The following USP24 variants were observed in gnomAD, a reference collection of about 807,000 sequenced individuals.
USP24 encodes ubiquitin carboxyl-terminal hydrolase 24.
USP24 carries 97 observed loss-of-function variants against 361.6 expected under a neutral mutation model. The ratio of observed to expected loss-of-function variants is 0.27; its 90% confidence interval spans 0.23 to 0.32. The LOEUF is 0.32. USP24 is among the 10% of genes least tolerant of loss of function. The pLI, the probability that USP24 is intolerant of heterozygous loss-of-function variation, is 1.00. For missense variants in USP24, 2,353 were observed against 3,165.6 expected, an observed-to-expected ratio of 0.74 and a Z score of 6.16; for synonymous variants, 1,098 against 1,124.6, an observed-to-expected ratio of 0.98 and a Z score of 0.47.
chr1:55,183,242 A>G (rs1644029304), intron 1 of USP24, among the ~76,000 whole-genome samples: 1 of 152,220 alleles, frequency 6.6e-6, no homozygotes, highest in Non-Finnish European at 1.5e-5. Flanking sequence ...AGGTTAAGAG[A>G]ATATCCTCAT....
rs572137461 is a variant in USP24 at position 55,215,153 on chromosome 1, A to G, written c.-40T>C. On this transcript the variant is annotated 5_prime_UTR_variant, in exon 1 of 68. Coordinates refer to ENST00000294383, the MANE Select transcript of USP24 (RefSeq NM_015306.3). Reference sequence around the variant, plus strand: ...GGCCGCCCCGGCCAGCGCACGGCGAAGCTACGGGTCCCGGGCCTGGCGGGC... The same window carrying G: ...GGCCGCCCCGGCCAGCGCACGGCGAGGCTACGGGTCCCGGGCCTGGCGGGC... 2,130 of 1,214,020 alleles carry G rather than the reference A, an allele frequency of 1.8e-3. 2 individuals are homozygous for G. The highest frequency in any genetic ancestry group is 2.0e-3 in the Non-Finnish European group (1,994 of 973,330). 75.2% of individuals were successfully genotyped at this position (1,214,020 alleles called of 1,614,324 possible). A position where few individuals can be genotyped will look rare whatever the true frequency, so the allele number is the denominator to read the frequency against.
chr1:55,176,782 C>T (rs1332638414), intron 2 of USP24, among the ~76,000 whole-genome samples: 2 of 152,146 alleles, frequency 1.3e-5, no homozygotes, highest in Non-Finnish European at 2.9e-5. Flanking sequence ...CCAACAGCAG[C>T]TACTTACTAG....
rs182669343 is a variant in USP24, at chr1:55,104,109, G to T, written c.4881-89C>A. 1,242 of 1,452,646 alleles carry T rather than the reference G, an allele frequency of 8.5e-4. 3 individuals carry two copies. The African/African-American group carries it at 0.016, about 19-fold the overall frequency. The allele number at this position is 1,452,646 out of a possible 1,614,324, so 90.0% of individuals were successfully genotyped here. On this transcript the variant is annotated intron_variant, in intron 41 of 67. Coordinates refer to ENST00000294383, the MANE Select transcript of USP24 (RefSeq NM_015306.3). Reference sequence around the variant, plus strand: ...TAAATCAACAGTTGAAATGAAAGTAGAAGAGCTCCAATTCCTCAAACATAC... The same window carrying T: ...TAAATCAACAGTTGAAATGAAAGTATAAGAGCTCCAATTCCTCAAACATAC...
chr1:55,149,358 A>G (rs1647128022), intron 16 of USP24, among the ~76,000 whole-genome samples: 1 of 152,218 alleles, frequency 6.6e-6, no homozygotes, highest in Admixed American at 6.5e-5. Flanking sequence ...CAAAAAGCTG[A>G]GTAAAAACTT....
intron 2 of USP24, 96 bp downstream of exon 2, chr1:55,177,871 C>A: frequency 2.5e-6 from 3 of 1,180,166 alleles, no homozygotes; most frequent in Non-Finnish European, 2.4e-6. Flanking sequence ...ATGATCTGTC[C>A]AATAACACAC....
chr1:55,076,650 T>G (rs1404981718), intron 62 of USP24, among the ~76,000 whole-genome samples: 1 of 152,112 alleles, frequency 6.6e-6, no homozygotes, highest in African/African-American at 2.4e-5. Flanking sequence ...ATTCCCAGAC[T>G]CCTAAATGGT....
intron 16 of USP24, among the ~76,000 whole-genome samples, chr1:55,151,719 G>A (rs1201648072): frequency 6.6e-6 from 1 of 152,104 alleles, no homozygotes; most frequent in Non-Finnish European, 1.5e-5. Flanking sequence ...AAAGGAAAGA[G>A]GACCAAGGGA....
At chr1:55,074,148 C>T (rs1644978157) in intron 63 of USP24, among the ~76,000 whole-genome samples, 1 of 142,756 alleles carries the variant, frequency 7.0e-6, no homozygotes, top group Non-Finnish European at 1.5e-5. Context: ...AAAAAACATA[C>T]ATGGTGCTGC....
chr1:55,214,907 G>A lies in USP24; in HGVS notation c.207C>T (p.Gly69=), dbSNP rs1644950223. The change falls in exon 1 of 68, where the codon GGC becomes GGT. Residue 69 remains glycine (G), a synonymous_variant. Coordinates refer to ENST00000294383, the MANE Select transcript of USP24 (RefSeq NM_015306.3). ...GGGPSPGPGG[G]PRGDGGGDGG... is the part of the protein sequence containing the mutation. ...CGTCACCTCCGCCGTCGCCCCGCGG[G>A]CCCCCGCCGGGCCCGGGGCTGGGGC... The A allele has an allele frequency of 1.6e-6, 2 of 1,284,498 alleles. No individual in the cohort carries two copies. Among genetic ancestry groups the A allele is most frequent in the Non-Finnish European group, 2.0e-6 (2 of 1,008,248 alleles). 79.6% of individuals were successfully genotyped at this position (1,284,498 alleles called of 1,614,324 possible). A position where few individuals can be genotyped will look rare whatever the true frequency, so the allele number is the denominator to read the frequency against.
At position 55,100,828 on chromosome 1, in the gene USP24, G is replaced by A. The variant is rs772706544; in HGVS notation, c.5271+11C>T. 16 of 1,595,698 alleles carry A rather than the reference G, an allele frequency of 1.0e-5. No homozygotes were observed. Among genetic ancestry groups the A allele is most frequent in the African/African-American group, 1.3e-5 (1 of 74,154 alleles). ...ACATCTTTAAATCTCAAGAGTTACT[G>A]GGTGAAATACCTTCCAAAAATTCTC... is the stretch of plus-strand genomic sequence containing the variant. On this transcript the variant is annotated intron_variant, in intron 44 of 67. Transcript: ENST00000294383.
At chr1:55,189,080 CT>C (rs1169076313) in intron 1 of USP24, among the ~76,000 whole-genome samples, 1 of 151,612 alleles carries the variant, frequency 6.6e-6, no homozygotes, top group Admixed American at 6.6e-5. Flanking sequence ...GGGGCCACCG[CT>C]TTCCAAGACA....
chr1:55,084,566 T>G (rs1331754777), intron 56 of USP24: 1 of 152,300 alleles, frequency 6.6e-6, no homozygotes, highest in East Asian at 1.9e-4. Flanking sequence ...CTCTCATTAG[T>G]TCGTTTCCTC....
intron 54 of USP24, among the ~76,000 whole-genome samples, chr1:55,091,475 A>G (rs1353766460): frequency 2.0e-5 from 3 of 152,206 alleles, no homozygotes; most frequent in Non-Finnish European, 2.9e-5. Context: ...TACTCTGGAC[A>G]TACTTCCCTG....
At chr1:55,187,987 C>T (rs1644179165) in intron 1 of USP24, among the ~76,000 whole-genome samples, 1 of 152,172 alleles carries the variant, frequency 6.6e-6, no homozygotes, top group African/African-American at 2.4e-5. Flanking sequence ...TTCACATTTC[C>T]CATTTTCAAA....
chr1:55,158,809 A>G, intron 10 of USP24, 69 bp downstream of exon 10: 1 of 1,227,806 alleles, frequency 8.1e-7, no homozygotes, highest in Non-Finnish European at 1.0e-6. Flanking sequence ...TGTTATATTA[A>G]TAAGCATACA....
chr1:55,199,629 G>C (rs1409739230), intron 1 of USP24, among the ~76,000 whole-genome samples: 1 of 151,468 alleles, frequency 6.6e-6, no homozygotes, highest in Non-Finnish European at 1.5e-5. Context: ...GTGTGAGAGA[G>C]AGAGAGACAG....
chr1:55,125,512 T>G lies in USP24; in HGVS notation c.3768A>C (p.Leu1256Phe), dbSNP rs942950243. ...TACCATCTTTGGTGAGGTCTTCATC[T>G]AATAACGTGGGCATTGTTTGTCCGA... ...LLVGQTMPTL[L>F]DEDLTKDGIE... The change falls in exon 34 of 68, where the codon TTA (leucine) becomes TTC (phenylalanine). Residue 1256 changes from leucine to phenylalanine, a missense_variant. Physicochemically the swap from Leu to Phe is conservative, Grantham distance 22. Coordinates refer to ENST00000294383, the MANE Select transcript of USP24 (RefSeq NM_015306.3). 1.2e-6 allele frequency: 2 copies of G among 1,613,828 alleles called. No individual in the cohort carries two copies. Among genetic ancestry groups the G allele is most frequent in the African/African-American group, 2.7e-5 (2 of 74,936 alleles).
chr1:55,189,579 A>G (rs1644232039), intron 1 of USP24, among the ~76,000 whole-genome samples: 1 of 152,196 alleles, frequency 6.6e-6, no homozygotes, highest in African/African-American at 2.4e-5. Flanking sequence ...CAGGAGATAG[A>G]AAAAGACAGC....
intron 65 of USP24, 134 bp from the exon 66 acceptor site, chr1:55,072,537 A>G: frequency 1.3e-6 from 1 of 789,160 alleles, no homozygotes. Flanking sequence ...TCCATCACAT[A>G]AAGCGATTCA....
Sources: allele counts gnomAD v4.1 joint callset (sites outside exome capture counted in the v4.1 genomes callset), GRCh38; gene constraint gnomAD v4.1.1; transcripts MANE v1.5; gene names NCBI Gene and HGNC (gene_info 2026-07-23, HGNC 2026-07-21).